The following DMD variants were observed in gnomAD, a reference collection of about 807,000 sequenced individuals.
The protein encoded by DMD is dystrophin, also known as mutant dystrophin.
In DMD, 63 loss-of-function variants were observed where a neutral mutation model predicts 330.1. The ratio of observed to expected loss-of-function variants is 0.19; its 90% confidence interval spans 0.16 to 0.24. The LOEUF (loss-of-function observed/expected upper bound fraction) is 0.24, where lower values mean the gene tolerates loss of function less well. Among genes scored for constraint, DMD ranks in the 10% least tolerant of loss-of-function variants. The pLI, the probability that DMD is intolerant of heterozygous loss-of-function variation, is 1.00. For missense variants in DMD, 3,344 were observed against 2,684.1 expected, an observed-to-expected ratio of 1.25 and a Z score of -5.43; for synonymous variants, 1,223 against 959.8, an observed-to-expected ratio of 1.27 and a Z score of -5.07.
At chrX:32,199,801 T>TGC (rs1384249269) in intron 44 of DMD, among the ~76,000 whole-genome samples, 1 of 39,373 alleles carries the variant, frequency 2.5e-5, no homozygotes, top group African/African-American at 7.1e-5. Context: ...TGTGTGTGTG[T>TGC]GTGTGTGTGT....
At chrX:31,214,938 T>TTTTTTCTC (rs368565727) in intron 64 of DMD, among the ~76,000 whole-genome samples, 1 of 24,074 alleles carries the variant, frequency 4.2e-5, no homozygotes, top group East Asian at 8.2e-4. Flanking sequence ...TTCTTTTTTC[T>TTTTTTCTC]TTTTTTTTTT....
At chrX:31,679,247 T>C (rs948429286) in intron 53 of DMD, 128 bp downstream of exon 53, 2 of 633,949 alleles carry the variant, frequency 3.2e-6, no homozygotes, top group African/African-American at 4.4e-5. Flanking sequence ...AAGTCTACTG[T>C]TCATTTCAGC....
chrX:33,072,393 G>A (rs1342574918), intron 1 of DMD, among the ~76,000 whole-genome samples: 1 of 112,017 alleles, frequency 8.9e-6, no homozygotes, highest in Non-Finnish European at 1.9e-5. Flanking sequence ...ACTCCAGCCT[G>A]GGCGATAAGA....
intron 63 of DMD, among the ~76,000 whole-genome samples, chrX:31,232,678 C>G (rs1244187083): frequency 9.0e-6 from 1 of 111,689 alleles, no homozygotes; most frequent in African/African-American, 3.3e-5. Flanking sequence ...AAACACCTCC[C>G]CCACTTGGAG....
intron 55 of DMD, among the ~76,000 whole-genome samples, chrX:31,522,359 CTCTCTATATATATA>C (rs1206309886): frequency 1.9e-5 from 1 of 54,024 alleles, no homozygotes; most frequent in Non-Finnish European, 3.0e-5. Context: ...CTCTCTCTCT[CTCTCTATATATATA>C]TATATATATA....
chrX:33,292,681 AG>A (rs2053529833), intron 1 of DMD, among the ~76,000 whole-genome samples: 2 of 111,160 alleles, frequency 1.8e-5, no homozygotes, highest in Admixed American at 9.6e-5. Context: ...ATATAGATGA[AG>A]AAAAAAAAGA....
At chrX:32,602,770 T>C (rs1283133001) in intron 12 of DMD, among the ~76,000 whole-genome samples, 1 of 111,236 alleles carries the variant, frequency 9.0e-6, no homozygotes, top group Non-Finnish European at 1.9e-5. Flanking sequence ...TTCCCAATCC[T>C]GGGAATCCAA....
chrX:31,217,745 CCACACATATGTT>C (rs2045563092), intron 64 of DMD, among the ~76,000 whole-genome samples: 1 of 111,773 alleles, frequency 8.9e-6, no homozygotes, highest in South Asian at 3.7e-4. Flanking sequence ...AGTAATGTGA[CCACACATATGTT>C]CAATAAAAGG....
intron 52 of DMD, among the ~76,000 whole-genome samples, chrX:31,694,241 C>G (rs1011535304): frequency 1.8e-5 from 2 of 110,716 alleles, no homozygotes; most frequent in Non-Finnish European, 3.8e-5. Flanking sequence ...ACCCCTTATA[C>G]AAGAATCAAC....
At chrX:32,659,136 G>A (rs1025604017) in intron 9 of DMD, among the ~76,000 whole-genome samples, 3 of 111,671 alleles carry the variant, frequency 2.7e-5, no homozygotes, top group African/African-American at 9.8e-5. Flanking sequence ...TTAGATTTTA[G>A]GTTGTAAAAA....
At chrX:32,052,122 C>T (rs1464964556) in intron 44 of DMD, among the ~76,000 whole-genome samples, 1 of 111,754 alleles carries the variant, frequency 8.9e-6, no homozygotes, top group East Asian at 2.8e-4. Flanking sequence ...AATAAGTTTT[C>T]TTAGTTGGGC....
At chrX:31,242,984 T>C (rs1466599991) in intron 63 of DMD, among the ~76,000 whole-genome samples, 2 of 111,730 alleles carry the variant, frequency 1.8e-5, no homozygotes, top group Non-Finnish European at 3.8e-5. Context: ...AGGAATTCTA[T>C]CACATCATGA....
rs1375731794 is a variant in DMD, at chrX:32,411,755, G to C, written c.4230C>G (p.Ala1410=). 8.3e-7 allele frequency: 1 copy of C among 1,210,480 alleles called. No homozygotes were observed. The highest frequency in any genetic ancestry group is 1.8e-5 in the South Asian group (1 of 56,918). ...GCTGATTCCCAGATGTACTTGCCTG[G>C]GCTTCCTGAGGCATTTGAGCTGCGT... ...KVDAAQMPQE[A]QKIQSDLTSH... Residue 1410 remains alanine (A), a synonymous_variant, in exon 30 of 79, where the codon GCC becomes GCG. Coordinates refer to ENST00000357033, the MANE Select transcript of DMD (RefSeq NM_004006.3).
At chrX:32,701,216 A>G (rs1320326609) in intron 7 of DMD, among the ~76,000 whole-genome samples, 1 of 111,977 alleles carries the variant, frequency 8.9e-6, no homozygotes. Context: ...CAAAAACATT[A>G]CTTATAAGCA....
chrX:31,930,124 T>TG (rs764587272), intron 46 of DMD, among the ~76,000 whole-genome samples: 3 of 111,234 alleles, frequency 2.7e-5, no homozygotes, highest in Non-Finnish European at 5.7e-5. Flanking sequence ...TACCGTAGCT[T>TG]GCTGCTGAGA....
intron 44 of DMD, among the ~76,000 whole-genome samples, chrX:32,016,970 T>C (rs1201607831): frequency 8.9e-6 from 1 of 112,451 alleles, no homozygotes; most frequent in Non-Finnish European, 1.9e-5. Context: ...AAGAAGTCAT[T>C]GAGTAGAAGT....
At chrX:31,250,595 G>T (rs1042419156) in intron 63 of DMD, among the ~76,000 whole-genome samples, 1 of 112,125 alleles carries the variant, frequency 8.9e-6, no homozygotes, top group African/African-American at 3.2e-5. Context: ...TATGGACAGT[G>T]TGTTAAGTAA....
chrX:31,878,675 A>T (rs1052877824), intron 47 of DMD, among the ~76,000 whole-genome samples: 5 of 112,597 alleles, frequency 4.4e-5, no homozygotes, highest in Admixed American at 9.4e-5. Flanking sequence ...AAGTAATAAG[A>T]AAAAGGCCAA....
At chrX:32,240,832 G>A (rs1377113122) in intron 43 of DMD, among the ~76,000 whole-genome samples, 1 of 111,562 alleles carries the variant, frequency 9.0e-6, no homozygotes, top group Non-Finnish European at 1.9e-5. Flanking sequence ...GATGAGAGAG[G>A]AGTAGTGTCT....
Sources: allele counts gnomAD v4.1 joint callset (sites outside exome capture counted in the v4.1 genomes callset), GRCh38; gene constraint gnomAD v4.1.1; transcripts MANE v1.5; gene names NCBI Gene and HGNC (gene_info 2026-07-23, HGNC 2026-07-21).